The following CNTNAP5 variants were observed in gnomAD, a reference collection of about 807,000 sequenced individuals.
CNTNAP5 encodes contactin-associated protein-like 5.
In CNTNAP5, 72 loss-of-function variants were observed where a neutral mutation model predicts 150.2. The observed-to-expected ratio is 0.48, with a 90% CI of 0.40 to 0.58. The LOEUF is 0.58. Ranked by LOEUF, CNTNAP5 falls within the 20% of genes least tolerant of loss-of-function variation. The pLI is 0.00. For missense variants in CNTNAP5, 1,636 were observed against 1,626.2 expected (o/e 1.01, Z -0.10); for synonymous variants, 672 against 619.8 (o/e 1.08, Z -1.25).
chr2:124,078,253 T>C (rs1306741821), intron 1 of CNTNAP5, among the ~76,000 whole-genome samples: 1 of 151,950 alleles, frequency 6.6e-6, no homozygotes, highest in Non-Finnish European at 1.5e-5. Flanking sequence ...TAGAAGACTG[T>C]TATTTTTATT....
At chr2:124,316,840 AAAAGAAAAG>A (rs1339261044) in intron 3 of CNTNAP5, among the ~76,000 whole-genome samples, 30 of 150,882 alleles carry the variant, frequency 2.0e-4, no homozygotes, top group Non-Finnish European at 4.4e-4. Context: ...AAAAAGAAAA[AAAAGAAAAG>A]AAAAGAAAGA....
At position 124,553,198 on chromosome 2, in the gene CNTNAP5, A is replaced by G. The variant is rs79487096; in HGVS notation, c.1650-10019A>G. 7.5e-3 allele frequency among the ~76,000 whole-genome samples: 1,136 copies of G among 152,290 alleles called. 15 individuals carry two copies. The highest frequency in any genetic ancestry group is 0.026 in the African/African-American group (1,083 of 41,576). On this transcript the variant is annotated intron_variant, in intron 10 of 23. Transcript: ENST00000682447. ...CACTGGCAAAGGCTGTAAAGGGACA[A>G]TGTGTTCCAAGAAGAAATAGTTGGG...
intron 1 of CNTNAP5, among the ~76,000 whole-genome samples, chr2:124,202,566 CTG>C (rs1342896105): frequency 4.6e-5 from 7 of 152,152 alleles, no homozygotes; most frequent in African/African-American, 1.7e-4. Flanking sequence ...CGTTTTTATA[CTG>C]CTATGAAGAA....
chr2:124,524,542 A>G lies in CNTNAP5; in HGVS notation c.1477+90A>G. 4.8e-6 allele frequency: 6 copies of G among 1,237,220 alleles called. No homozygotes were observed. The Admixed American group carries it at 1.3e-4, about 27-fold the overall frequency. 76.6% of individuals were successfully genotyped at this position (1,237,220 alleles called of 1,614,324 possible). A position where few individuals can be genotyped will look rare whatever the true frequency, so the allele number is the denominator to read the frequency against. Reference sequence around the variant, plus strand: ...TCACTATGATGGTTCTGGTTTGGTCAATTAGACAATTCTCCCAACACACAA... The same window carrying G: ...TCACTATGATGGTTCTGGTTTGGTCGATTAGACAATTCTCCCAACACACAA... On this transcript the variant is annotated intron_variant, in intron 9 of 23. Coordinates refer to ENST00000682447, the MANE Select transcript of CNTNAP5 (RefSeq NM_001367498.1).
intron 19 of CNTNAP5, among the ~76,000 whole-genome samples, chr2:124,829,050 A>T (rs1438770725): frequency 6.6e-6 from 1 of 152,104 alleles, no homozygotes; most frequent in Non-Finnish European, 1.5e-5. Context: ...ACCCTATCAG[A>T]TGTCATCTTA....
intron 11 of CNTNAP5, among the ~76,000 whole-genome samples, chr2:124,599,876 C>T (rs540748321): frequency 6.6e-6 from 1 of 151,432 alleles, no homozygotes; most frequent in African/African-American, 2.4e-5. Context: ...TTTATAGGAA[C>T]AGGTCGATTT....
At chr2:124,366,448 A>T (rs1158629897) in intron 3 of CNTNAP5, among the ~76,000 whole-genome samples, 3 of 152,232 alleles carry the variant, frequency 2.0e-5, no homozygotes, top group Non-Finnish European at 4.4e-5. Flanking sequence ...TGAAATTCCT[A>T]GCCCAAGACT....
intron 18 of CNTNAP5, among the ~76,000 whole-genome samples, chr2:124,797,084 A>G (rs1166165529): frequency 6.6e-6 from 1 of 152,226 alleles, no homozygotes; most frequent in Non-Finnish European, 1.5e-5. Flanking sequence ...TAAGTGCTTT[A>G]CATACATCAG....
At chr2:124,178,456 T>G (rs935501238) in intron 1 of CNTNAP5, among the ~76,000 whole-genome samples, 1 of 152,248 alleles carries the variant, frequency 6.6e-6, no homozygotes, top group Non-Finnish European at 1.5e-5. Context: ...AGCACTCTAA[T>G]TATAGTCTAA....
At chr2:124,801,117 C>T (rs554383756) in intron 19 of CNTNAP5, among the ~76,000 whole-genome samples, 1 of 152,254 alleles carries the variant, frequency 6.6e-6, no homozygotes, top group East Asian at 1.9e-4. Context: ...GAATCCTGGA[C>T]ATCTCTTGCC....
chr2:124,255,584 T>TAA (rs1558821619), intron 3 of CNTNAP5, among the ~76,000 whole-genome samples: 1,327 of 58,770 alleles, frequency 0.023, 33 homozygotes, highest in African/African-American at 0.074. Flanking sequence ...TAAAATAAAA[T>TAA]AATAATTTTT....
intron 3 of CNTNAP5, among the ~76,000 whole-genome samples, chr2:124,352,358 A>T (rs1689890970): frequency 6.6e-6 from 1 of 152,314 alleles, no homozygotes; most frequent in African/African-American, 2.4e-5. Context: ...TTTATAGGTG[A>T]ATATTACAAC....
intron 1 of CNTNAP5, among the ~76,000 whole-genome samples, chr2:124,137,890 TA>T (rs1046634106): frequency 2.0e-5 from 3 of 152,108 alleles, no homozygotes; most frequent in Non-Finnish European, 4.4e-5. Context: ...TTCCAGGTTC[TA>T]AATTCAGAAG....
At chr2:124,051,760 T>C (rs578069897) in intron 1 of CNTNAP5, among the ~76,000 whole-genome samples, 1 of 152,326 alleles carries the variant, frequency 6.6e-6, no homozygotes, top group African/African-American at 2.4e-5. Context: ...CTTTGGTGAA[T>C]GTCAAGTGAG....
chr2:124,701,771 C>A (rs777777605), intron 13 of CNTNAP5, among the ~76,000 whole-genome samples: 105 of 152,056 alleles, frequency 6.9e-4, no homozygotes, highest in Non-Finnish European at 1.3e-3. Context: ...ATGAATGATG[C>A]TGAGCACCTT....
chr2:124,688,455 C>T (rs1482081081), intron 13 of CNTNAP5, among the ~76,000 whole-genome samples: 5 of 152,100 alleles, frequency 3.3e-5, no homozygotes, highest in African/African-American at 7.2e-5. Context: ...TCAGGGAAAA[C>T]ATCAGTTAGT....
chr2:124,583,197 G>A (rs184015089), intron 11 of CNTNAP5, among the ~76,000 whole-genome samples: 2 of 152,264 alleles, frequency 1.3e-5, no homozygotes, highest in African/African-American at 4.8e-5. Context: ...GGTGCTACAG[G>A]AGACATCTCT....
At chr2:124,646,096 C>T (rs1678196841) in intron 12 of CNTNAP5, among the ~76,000 whole-genome samples, 1 of 152,104 alleles carries the variant, frequency 6.6e-6, no homozygotes, top group Admixed American at 6.5e-5. Flanking sequence ...CCATATCATG[C>T]TGGAAGAAGT....
intron 3 of CNTNAP5, among the ~76,000 whole-genome samples, chr2:124,371,327 G>A (rs1209782321): frequency 6.6e-6 from 1 of 152,052 alleles, no homozygotes; most frequent in East Asian, 1.9e-4. Flanking sequence ...TCTCATCATA[G>A]GTTCTTAGTC....
Sources: gnomAD v4.1 joint callset for allele counts (sites outside exome capture counted in the v4.1 genomes callset) on GRCh38, gnomAD v4.1.1 for gene constraint, MANE v1.5 for transcripts, NCBI Gene and HGNC (gene_info 2026-07-23, HGNC 2026-07-21) for gene names.